The following HS6ST1 variants were observed in gnomAD, a reference collection of about 807,000 sequenced individuals.
HS6ST1 encodes the protein heparan sulfate 6-O-sulfotransferase 1.
Under a neutral mutation model 25.2 loss-of-function variants are expected in HS6ST1, and 3 were observed. The ratio of observed to expected loss-of-function variants is 0.12; its 90% CI spans 0.05 to 0.31. The LOEUF is 0.31. HS6ST1 is among the 10% of genes least tolerant of loss of function. The pLI is 1.00. For missense variants in HS6ST1, 310 were observed against 609.6 expected, an observed-to-expected ratio of 0.51 and a Z score of 5.18; for synonymous variants, 204 against 275.1, an observed-to-expected ratio of 0.74 and a Z score of 2.56.
intron 1 of HS6ST1, among the ~76,000 whole-genome samples, chr2:128,303,185 T>G (rs1426441984): frequency 2.6e-5 from 4 of 152,244 alleles, no homozygotes. Context: ...CTCGACGTTC[T>G]CTGAAAGGAT....
At chr2:128,315,685 C>T (rs746710185) in intron 1 of HS6ST1, among the ~76,000 whole-genome samples, 5 of 152,104 alleles carry the variant, frequency 3.3e-5, no homozygotes, top group Non-Finnish European at 7.4e-5. Flanking sequence ...GCATCCCAAC[C>T]GCCACAGCAG....
chr2:128,267,411 A>G lies in HS6ST1; in HGVS notation c.*751T>C, dbSNP rs4061168. On this transcript the variant is annotated 3_prime_UTR_variant, in exon 2 of 2. Transcript: ENST00000259241. ...CACTCCTGGGCTGCCAGTTGGCCCG[A>G]GGAAGGCCGGCAATGCAGCTCGGGC... 9.3e-6 allele frequency: 1 copy of G among 107,368 alleles called. No homozygotes were observed. Among genetic ancestry groups the G allele is most frequent in the Non-Finnish European group, 2.2e-5 (1 of 46,078 alleles). 6.7% of individuals were successfully genotyped at this position (107,368 alleles called of 1,614,324 possible). A position where few individuals can be genotyped will look rare whatever the true frequency, so the allele number is the denominator to read the frequency against.
chr2:128,271,286 C>A (rs1411138862), intron 1 of HS6ST1, among the ~76,000 whole-genome samples: 12 of 152,248 alleles, frequency 7.9e-5, no homozygotes, highest in Non-Finnish European at 1.3e-4. Flanking sequence ...ATCGTGCAGG[C>A]TCCAGAAGAC....
chr2:128,268,741 C>T lies in HS6ST1; in HGVS notation c.657G>A (p.Glu219=). ...TGCCCTCGTAGCAGGGCGGCAGCTC[C>T]TCAGGCGTGGGCGTGCGCCCATCAC... The part of the protein sequence containing the change: ...HMCDGRTPTP[E]ELPPCYEGTD... Residue 219 remains glutamate (E), a synonymous_variant, in exon 2 of 2, where the codon GAG becomes GAA. Coordinates refer to ENST00000259241, the MANE Select transcript of HS6ST1 (RefSeq NM_004807.3). 1.2e-6 allele frequency: 2 copies of T among 1,612,748 alleles called. No homozygotes were observed. Among genetic ancestry groups the T allele is most frequent in the Non-Finnish European group, 1.7e-6 (2 of 1,179,920 alleles).
intron 1 of HS6ST1, among the ~76,000 whole-genome samples, chr2:128,280,551 C>A (rs1173514704): frequency 6.6e-6 from 1 of 152,200 alleles, no homozygotes; most frequent in Non-Finnish European, 1.5e-5. Flanking sequence ...GGCAGGCAGC[C>A]CCTCCCCTCT....
In HS6ST1 at chr2:128,267,903, T is replaced by C; in HGVS notation, c.*259A>G. The C allele has an allele frequency of 3.4e-6, 2 of 588,026 alleles. No individual in the cohort carries two copies. The highest frequency in any genetic ancestry group is 6.1e-6 in the Non-Finnish European group (2 of 330,184). The allele number at this position is 588,026 out of a possible 1,614,324, so 36.4% of individuals were successfully genotyped here. A position where few individuals can be genotyped will look rare whatever the true frequency, so the allele number is the denominator to read the frequency against. On this transcript the variant is annotated 3_prime_UTR_variant, in exon 2 of 2. Transcript: ENST00000259241. ...GGAGAGCAGCTCCAGGCACAACACC[T>C]GCTCTGGAGGCCCTGCCCTGACCAT...
rs1694412027 is a variant in HS6ST1, at chr2:128,318,570, C to T, written c.-7G>A. On this transcript the variant is annotated 5_prime_UTR_variant, in exon 1 of 2. It adds an upstream start codon to the 5' untranslated region. Coordinates refer to ENST00000259241, the MANE Select transcript of HS6ST1 (RefSeq NM_004807.3). The surrounding 1 kb of genome is among the most constrained non-coding windows in gnomAD (Gnocchi z 5.7). ...CGGCGCGCCGCCGCCGCATGTGTCA[C>T]CATCGCCGGGGCCCGGGCGCGGGGC... The T allele has an allele frequency of 7.0e-7, 1 of 1,435,802 alleles. No homozygotes were observed. Among genetic ancestry groups the T allele is most frequent in the Non-Finnish European group, 9.1e-7 (1 of 1,102,328 alleles). 88.9% of individuals were successfully genotyped at this position (1,435,802 alleles called of 1,614,324 possible).
At chr2:128,285,516 G>A (rs1364300336) in intron 1 of HS6ST1, among the ~76,000 whole-genome samples, 1 of 152,194 alleles carries the variant, frequency 6.6e-6, no homozygotes, top group Non-Finnish European at 1.5e-5. Flanking sequence ...CTGCCGCTAC[G>A]GCCCAGCTCT....
At chr2:128,280,806 C>T (rs963136023) in intron 1 of HS6ST1, among the ~76,000 whole-genome samples, 21 of 152,218 alleles carry the variant, frequency 1.4e-4, no homozygotes, top group African/African-American at 4.6e-4. Flanking sequence ...AGTCCTCACC[C>T]ATGTGCTTCC....
intron 1 of HS6ST1, among the ~76,000 whole-genome samples, chr2:128,291,442 A>G (rs1162473992): frequency 6.6e-6 from 1 of 152,230 alleles, no homozygotes; most frequent in African/African-American, 2.4e-5. Flanking sequence ...TAGCCTCCTC[A>G]GTCTGGATCC....
At chr2:128,312,783 G>A (rs1450214873) in intron 1 of HS6ST1, among the ~76,000 whole-genome samples, 1 of 152,208 alleles carries the variant, frequency 6.6e-6, no homozygotes, top group Middle Eastern at 3.2e-3. Context: ...ACAATAGGCT[G>A]GTGCGGTGGC....
intron 1 of HS6ST1, among the ~76,000 whole-genome samples, chr2:128,273,506 C>A (rs960560060): frequency 1.3e-5 from 2 of 152,246 alleles, no homozygotes; most frequent in African/African-American, 4.8e-5. Context: ...GAAGCCACTA[C>A]CTGGCACGCC....
At chr2:128,295,861 T>C (rs757152426) in intron 1 of HS6ST1, among the ~76,000 whole-genome samples, 3 of 152,240 alleles carry the variant, frequency 2.0e-5, no homozygotes, top group East Asian at 1.9e-4. Flanking sequence ...AGAAGGAAAC[T>C]ACCTCAGTGT....
chr2:128,294,671 CGTGTGTGTGTGTGTGT>C lies in HS6ST1; in HGVS notation c.527+23350_527+23365del, dbSNP rs56059401. Among the ~76,000 whole-genome samples, 749 of 136,144 alleles carry C rather than the reference CGTGTGTGTGTGTGTGT, an allele frequency of 5.5e-3. 9 individuals carry two copies. Among genetic ancestry groups the C allele is most frequent in the African/African-American group, 0.019 (695 of 36,756 alleles). 89.3% of individuals were successfully genotyped at this position (136,144 alleles called of 152,430 possible). On this transcript the variant is annotated intron_variant, in intron 1 of 1. Transcript: ENST00000259241. ...GAGGCTCCACCGCAAAGAAGGGAGG[CGTGTGTGTGTGTGTGT>C]GTGTGTGTGTGTGTGTGTGTGTGTG...
rs560817916 is a variant in HS6ST1 at position 128,291,471 on chromosome 2, G to A, written c.528-22601C>T. Reference sequence around the variant, plus strand: ...TGGATCCTCACTGTGTCTCTTGGGGGCTAGACCTCTGGCAGGGAGGGCCCC... The same window carrying A: ...TGGATCCTCACTGTGTCTCTTGGGGACTAGACCTCTGGCAGGGAGGGCCCC... On this transcript the variant is annotated intron_variant, in intron 1 of 1. Transcript: ENST00000259241. 7.9e-5 allele frequency among the ~76,000 whole-genome samples: 12 copies of A among 152,362 alleles called. No homozygotes were observed. In the East Asian group the frequency reaches 2.3e-3, roughly 29 times the overall value.
At chr2:128,273,627 C>T (rs887852977) in intron 1 of HS6ST1, among the ~76,000 whole-genome samples, 18 of 152,266 alleles carry the variant, frequency 1.2e-4, no homozygotes, top group African/African-American at 4.3e-4. Context: ...CCAAACACTG[C>T]AGGCACTGCT....
intron 1 of HS6ST1, among the ~76,000 whole-genome samples, chr2:128,312,370 G>T (rs10170649): frequency 7.2e-5 from 11 of 152,230 alleles, no homozygotes; most frequent in Admixed American, 5.2e-4. Flanking sequence ...TACTTGTCTT[G>T]GGGGAGTGTT....
intron 1 of HS6ST1, among the ~76,000 whole-genome samples, chr2:128,271,849 C>T (rs1693614014): frequency 6.6e-6 from 1 of 152,222 alleles, no homozygotes; most frequent in Admixed American, 6.5e-5. Context: ...TCTGACCACA[C>T]CGTGGGTCTT....
chr2:128,306,367 C>T (rs1040549112), intron 1 of HS6ST1, among the ~76,000 whole-genome samples: 26 of 152,026 alleles, frequency 1.7e-4, no homozygotes, highest in Admixed American at 1.6e-3. Flanking sequence ...CGCAGCTGCA[C>T]GCTCCACAGC....
Sources: gnomAD v4.1 joint callset for allele counts (sites outside exome capture counted in the v4.1 genomes callset) on GRCh38, gnomAD v4.1.1 for gene constraint, Gnocchi (gnomAD v3.1) non-coding constraint, MANE v1.5 for transcripts, NCBI Gene and HGNC (gene_info 2026-07-23, HGNC 2026-07-21) for gene names.